CD1D: variants seen among roughly 807,000 people sequenced by gnomAD.
CD1D encodes the protein antigen-presenting glycoprotein CD1d.
CD1D carries 40 observed loss-of-function variants against 42.1 expected under a neutral mutation model. That is an observed-to-expected ratio of 0.95 (90% CI 0.74 to 1.24). The LOEUF is 1.24. CD1D is among the 50% of genes most tolerant of loss of function. CD1D has a pLI of 0.00. For synonymous variants in CD1D, 178 were observed against 171.8 expected, an observed-to-expected ratio of 1.04 and a Z score of -0.28; for missense variants, 437 against 416.5, an observed-to-expected ratio of 1.05 and a Z score of -0.43.
At chr1:158,180,346 G>T (rs146318202), upstream of CD1D, among the ~76,000 whole-genome samples, 22 of 152,240 alleles carry the variant, frequency 1.4e-4, no homozygotes, top group Non-Finnish European at 2.2e-4. Context: ...AGCCTAGGGC[G>T]GAGAGGAGGA....
intron 4 of CD1D, 61 bp from the exon 5 acceptor site, chr1:158,183,875 G>T (rs187876729): frequency 1.5e-6 from 2 of 1,297,958 alleles, no homozygotes; most frequent in Non-Finnish European, 1.1e-6. Context: ...TAGACCAGGG[G>T]ATTGGATATA....
In CD1D at chr1:158,183,148, T is replaced by C. The variant is rs145809444; in HGVS notation, c.878T>C (p.Leu293Pro). The change falls in exon 4 of 6, where the codon CTC becomes CCC. Residue 293 changes from leucine to proline, a missense_variant. Coordinates refer to ENST00000674085, the MANE Select transcript of CD1D (RefSeq NM_001371762.2). ...HSSLEGQDIV[L>P]YWGGSYTSMG... ...AGTCTAGAGGGCCAGGACATCGTCC[T>C]CTACTGGGGTGAGAAAAAGCTGGGC... The C allele has an allele frequency of 1.3e-5, 20 of 1,596,066 alleles. No individual in the cohort carries two copies. In the African/African-American group the frequency reaches 2.4e-4, roughly 19 times the overall value.
At position 158,182,055 on chromosome 1, in the gene CD1D, G is replaced by A. The variant is rs142254126; in HGVS notation, c.352G>A (p.Ala118Thr). 2 of 1,610,218 alleles carry A rather than the reference G, an allele frequency of 1.2e-6. No individual in the cohort carries two copies. Among genetic ancestry groups the A allele is most frequent in the East Asian group, 4.5e-5 (2 of 44,822 alleles). Residue 118 changes from alanine (A) to threonine (T), a missense_variant, in exon 3 of 6, where the codon GCT becomes ACT. By Grantham distance (58) the Ala-to-Thr change is moderately conservative. Coordinates refer to ENST00000674085, the MANE Select transcript of CD1D (RefSeq NM_001371762.2). ...LSYPLELQVS[A>T]GCEVHPGNAS... The stretch of plus-strand genomic sequence containing the variant: ...AGATCCCTTGGAGCTCCAGGTGTCC[G>A]CTGGCTGTGAGGTGCACCCTGGGAA...
chr1:158,183,246 C>T (rs1648543607), intron 4 of CD1D, 90 bp downstream of exon 4: 1 of 1,465,428 alleles, frequency 6.8e-7, no homozygotes, highest in Non-Finnish European at 9.1e-7. Flanking sequence ...GCTTGATATA[C>T]CCAGGTTAGA....
At position 158,180,948 on chromosome 1, in the gene CD1D, C is replaced by T. The variant is rs1028672940; in HGVS notation, c.-154C>T. 1.1e-5 allele frequency: 7 copies of T among 614,966 alleles called. No individual in the cohort carries two copies. The highest frequency in any genetic ancestry group is 3.6e-5 in the Admixed American group (1 of 28,046). 38.1% of individuals were successfully genotyped at this position (614,966 alleles called of 1,614,324 possible). A position where few individuals can be genotyped will look rare whatever the true frequency, so the allele number is the denominator to read the frequency against. On this transcript the variant is annotated 5_prime_UTR_variant, in exon 1 of 6. Coordinates refer to ENST00000674085, the MANE Select transcript of CD1D (RefSeq NM_001371762.2). ...CCCTTCGGCAGAAGCAGCAAACCGC[C>T]GGCAAGCCCAGCGAGGAGGGCTGCC... is the stretch of plus-strand genomic sequence containing the variant.
At chr1:158,181,386 T>G in intron 1 of CD1D, 69 bp from the exon 2 acceptor site, 2 of 1,583,978 alleles carry the variant, frequency 1.3e-6, no homozygotes, top group Non-Finnish European at 1.7e-6. Flanking sequence ...TGTTTCTTTC[T>G]TCCTTCTCTT....
Position 158,181,075 on chromosome 1 carries a change from C to T in CD1D, c.-27C>T. The T allele has an allele frequency of 1.3e-6, 2 of 1,536,366 alleles. No homozygotes were observed. Among genetic ancestry groups the T allele is most frequent in the South Asian group, 2.4e-5 (2 of 82,578 alleles). Reference sequence around the variant, plus strand: ...GGTCAGAGGGCGGCGCGCAGCGGCGCTCCGCGAGGTCCCCACGCCGGGCGA... The same window carrying T: ...GGTCAGAGGGCGGCGCGCAGCGGCGTTCCGCGAGGTCCCCACGCCGGGCGA... On this transcript the variant is annotated 5_prime_UTR_variant, in exon 1 of 6. Transcript: ENST00000674085.
chr1:158,181,300 G>T, intron 1 of CD1D, 138 bp downstream of exon 1: 3 of 1,420,732 alleles, frequency 2.1e-6, no homozygotes, highest in Non-Finnish European at 2.9e-6. Flanking sequence ...AAAACTCGCT[G>T]CTCCCTGGCT....
chr1:158,182,001 T>G, intron 2 of CD1D, 31 bp from the exon 3 acceptor site: 2 of 1,559,934 alleles, frequency 1.3e-6, no homozygotes, highest in Non-Finnish European at 1.7e-6. Context: ...TTTTAAACCC[T>G]TCTTTGATCT....
rs1324092552 is a variant in CD1D, at chr1:158,183,815, G to T, written c.887-121G>T. ...AAACTTATGAGGAATAGAAATTGGG[G>T]TTTTAAGTGGAGGAGGAAATAAGAA... On this transcript the variant is annotated intron_variant, in intron 4 of 5. Transcript: ENST00000674085. The T allele has an allele frequency of 1.3e-5, 10 of 774,464 alleles. No individual in the cohort carries two copies. The South Asian group carries it at 1.6e-4, about 13-fold the overall frequency. The allele number at this position is 774,464 out of a possible 1,614,324, so 48.0% of individuals were successfully genotyped here.
rs1648433412 is a variant in CD1D, at chr1:158,181,727, C to T, written c.328+6C>T. 6.2e-7 allele frequency: 1 copy of T among 1,606,296 alleles called. No homozygotes were observed. Among genetic ancestry groups the T allele is most frequent in the East Asian group, 2.2e-5 (1 of 44,864 alleles). ...CAAAATGCTACGCTTATCCTGTGAG[C>T]TGAGGGATAGGATCCTGGGCCGGTA... On this transcript the variant is annotated splice_donor_region_variant and intron_variant, in intron 2 of 5. Transcript: ENST00000674085.
chr1:158,179,452 G>C (rs1648293936), upstream of CD1D, among the ~76,000 whole-genome samples: 2 of 152,188 alleles, frequency 1.3e-5, no homozygotes, highest in African/African-American at 2.4e-5. Context: ...AGCAGAATGG[G>C]AGGAATCAGA....
At chr1:158,178,551 C>G (rs1648256830), upstream of CD1D, among the ~76,000 whole-genome samples, 1 of 152,136 alleles carries the variant, frequency 6.6e-6, no homozygotes, top group African/African-American at 2.4e-5. Flanking sequence ...AAGTAAGTCC[C>G]TTATGATCAG....
chr1:158,184,124 C>G lies in CD1D; in HGVS notation c.987-5C>G. On this transcript the variant is annotated splice_region_variant and splice_polypyrimidine_tract_variant and intron_variant, in intron 5 of 5. Coordinates refer to ENST00000674085, the MANE Select transcript of CD1D (RefSeq NM_001371762.2). ...AATGGTCTTTCCCTTTCTATTCTCT[C>G]ACAGTTCCTATCAGGGCGTCCTGTG... 6.2e-7 allele frequency: 1 copy of G among 1,614,122 alleles called. No individual in the cohort carries two copies. Among genetic ancestry groups the G allele is most frequent in the Non-Finnish European group, 8.5e-7 (1 of 1,180,018 alleles).
chr1:158,178,550 C>T (rs917320881), upstream of CD1D, among the ~76,000 whole-genome samples: 4 of 152,120 alleles, frequency 2.6e-5, no homozygotes, highest in African/African-American at 9.7e-5. Flanking sequence ...CAAGTAAGTC[C>T]CTTATGATCA....
upstream of CD1D, among the ~76,000 whole-genome samples, chr1:158,180,631 A>T (rs962620948): frequency 2.6e-5 from 4 of 152,254 alleles, no homozygotes; most frequent in African/African-American, 9.6e-5. Flanking sequence ...AAAGCAAATT[A>T]AGATCACTCA....
intron 5 of CD1D, 24 bp from the exon 6 acceptor site, chr1:158,184,105 C>T: frequency 1.2e-6 from 2 of 1,614,072 alleles, no homozygotes; most frequent in Non-Finnish European, 1.7e-6. Flanking sequence ...CCTTAATGGT[C>T]TTTCCCTTTC....
Position 158,182,999 on chromosome 1 carries a change from GGA to G in CD1D, c.731_732del (p.Glu244AlafsTer14), listed in dbSNP as rs767952763. 1 of 1,613,944 alleles carries G rather than the reference GGA, an allele frequency of 6.2e-7. No individual in the cohort carries two copies. The highest frequency in any genetic ancestry group is 1.3e-5 in the African/African-American group (1 of 74,934). ...VWVKWMRGEQ[E>X]QQGTQPGDIL... is the part of the protein sequence containing the mutation. ...GGGTGAAGTGGATGCGGGGTGAGCA[GGA>G]GCAGCAGGGCACTCAGCCAGGGGAC... On this transcript the variant is annotated frameshift_variant, in exon 4 of 6. Transcript: ENST00000674085. LOFTEE classifies it high-confidence loss of function.
chr1:158,180,995 G>C lies in CD1D; in HGVS notation c.-107G>C. The C allele has an allele frequency of 1.9e-6, 2 of 1,071,898 alleles. No individual in the cohort carries two copies. The highest frequency in any genetic ancestry group is 2.9e-5 in the Admixed American group (1 of 34,210). 66.4% of individuals were successfully genotyped at this position (1,071,898 alleles called of 1,614,324 possible). A position where few individuals can be genotyped will look rare whatever the true frequency, so the allele number is the denominator to read the frequency against. ...TGCCGGGGTCTGGGCTTGGGAATTG[G>C]CTGGCACCCAGCGGAAAGGGACGTG... On this transcript the variant is annotated 5_prime_UTR_variant, in exon 1 of 6. Coordinates refer to ENST00000674085, the MANE Select transcript of CD1D (RefSeq NM_001371762.2).
Sources: gnomAD v4.1 joint callset for allele counts (sites outside exome capture counted in the v4.1 genomes callset) on GRCh38, gnomAD v4.1.1 for gene constraint, MANE v1.5 for transcripts, NCBI Gene and HGNC (gene_info 2026-07-23, HGNC 2026-07-21) for gene names.